Variants in CDC14B observed in about 807,000 individuals in gnomAD.
The protein encoded by CDC14B is cell division cycle 14B, also known as dual specificity protein phosphatase CDC14B.
Under a neutral mutation model 64.2 loss-of-function variants are expected in CDC14B, and 22 were observed. The observed-to-expected ratio is 0.34, with a 90% CI of 0.24 to 0.49. The LOEUF is 0.49. CDC14B is among the 20% of genes least tolerant of loss of function. The pLI is 0.99. For missense variants in CDC14B, 498 were observed against 629.9 expected (o/e 0.79, Z 2.24); for synonymous variants, 191 against 215.8 (o/e 0.89, Z 1.01).
At chr9:96,616,206 G>A (rs894459484) in intron 1 of CDC14B, among the ~76,000 whole-genome samples, 3 of 151,350 alleles carry the variant, frequency 2.0e-5, no homozygotes, top group Non-Finnish European at 4.4e-5. Context: ...TATGCCTGTA[G>A]TTCCAACTAC....
At chr9:96,618,980 A>G (rs1350541459) in intron 1 of CDC14B, among the ~76,000 whole-genome samples, 1 of 150,380 alleles carries the variant, frequency 6.6e-6, no homozygotes, top group Non-Finnish European at 1.5e-5. Context: ...CTGGTGGAGG[A>G]GGGTGCACAA....
chr9:96,605,473 G>A (rs572778113), intron 1 of CDC14B, among the ~76,000 whole-genome samples: 1 of 152,146 alleles, frequency 6.6e-6, no homozygotes, highest in African/African-American at 2.4e-5. Context: ...GGCTCCCAGG[G>A]TTCCCCTGCG....
chr9:96,591,676 T>A (rs954858743), intron 1 of CDC14B, among the ~76,000 whole-genome samples: 3 of 152,214 alleles, frequency 2.0e-5, no homozygotes, highest in Admixed American at 6.5e-5. Flanking sequence ...TAGGTAGTTA[T>A]TAACATTTTA....
chr9:96,546,495 G>T (rs2131957261), intron 5 of CDC14B, among the ~76,000 whole-genome samples: 1 of 151,848 alleles, frequency 6.6e-6, no homozygotes, highest in South Asian at 2.1e-4. Flanking sequence ...TGTCGCCCAG[G>T]CTGGAGTGCA....
chr9:96,503,809 G>T lies in CDC14B; in HGVS notation c.1461-20C>A. 1 of 1,608,390 alleles carries T rather than the reference G, an allele frequency of 6.2e-7. No homozygotes were observed. The highest frequency in any genetic ancestry group is 8.5e-7 in the Non-Finnish European group (1 of 1,177,000). ...GAGAGACTACAGGGGGAAAAAAAAG[G>T]ATTTTTACCAGAAAGTTTACACAGC... On this transcript the variant is annotated intron_variant, in intron 13 of 13. Coordinates refer to ENST00000375241, the MANE Select transcript of CDC14B (RefSeq NM_033331.4).
intron 1 of CDC14B, among the ~76,000 whole-genome samples, chr9:96,600,624 T>A (rs988061808): frequency 6.6e-6 from 1 of 151,950 alleles, no homozygotes; most frequent in South Asian, 2.1e-4. Flanking sequence ...GGCCTCAGCC[T>A]CCTGAGCAGC....
intron 13 of CDC14B, among the ~76,000 whole-genome samples, chr9:96,505,804 C>T (rs913234076): frequency 1.2e-4 from 19 of 152,144 alleles, no homozygotes; most frequent in African/African-American, 4.6e-4. Flanking sequence ...GACCTGTGGC[C>T]ACATGAGATT....
intron 1 of CDC14B, among the ~76,000 whole-genome samples, chr9:96,594,253 C>A (rs943368921): frequency 6.6e-6 from 1 of 152,152 alleles, no homozygotes; most frequent in Non-Finnish European, 1.5e-5. Flanking sequence ...CCTGAATTAA[C>A]GACATGGAGC....
rs373160930 is a variant in CDC14B at position 96,560,582 on chromosome 9, C to CTTTTTTTTTTTTTTT, written c.420+2110_420+2111insAAAAAAAAAAAAAAA. 3.9e-5 allele frequency among the ~76,000 whole-genome samples: 5 copies of CTTTTTTTTTTTTTTT among 127,692 alleles called. 1 individual carries two copies. The highest frequency in any genetic ancestry group is 1.3e-4 in the African/African-American group (4 of 31,734). 83.8% of individuals were successfully genotyped at this position (127,692 alleles called of 152,430 possible). A position where few individuals can be genotyped will look rare whatever the true frequency, so the allele number is the denominator to read the frequency against. ...GGTTCATACATAGACTTTTCTCTTT[C>CTTTTTTTTTTTTTTT]TCTTTTTTTTTTTTTTTTTGAGACG... On this transcript the variant is annotated intron_variant, in intron 4 of 13. Coordinates refer to ENST00000375241, the MANE Select transcript of CDC14B (RefSeq NM_033331.4).
chr9:96,609,318 C>A (rs1847166111), intron 1 of CDC14B, among the ~76,000 whole-genome samples: 1 of 152,140 alleles, frequency 6.6e-6, no homozygotes, highest in Admixed American at 6.6e-5. Flanking sequence ...ACACACAATT[C>A]TTTCAAACTG....
At chr9:96,610,276 C>T (rs1847231282) in intron 1 of CDC14B, among the ~76,000 whole-genome samples, 1 of 152,160 alleles carries the variant, frequency 6.6e-6, no homozygotes, top group African/African-American at 2.4e-5. Context: ...CAGCTCACTG[C>T]AGGCTCTGCC....
intron 1 of CDC14B, among the ~76,000 whole-genome samples, chr9:96,599,842 C>T (rs1030915685): frequency 3.3e-5 from 5 of 152,096 alleles, no homozygotes; most frequent in Non-Finnish European, 5.9e-5. Context: ...AGCGATTCTC[C>T]TGCCTCACCC....
At chr9:96,564,270 A>C (rs921213482) in intron 3 of CDC14B, among the ~76,000 whole-genome samples, 1 of 152,212 alleles carries the variant, frequency 6.6e-6, no homozygotes, top group African/African-American at 2.4e-5. Flanking sequence ...AGCCTTAATG[A>C]CATGCTTATT....
intron 5 of CDC14B, among the ~76,000 whole-genome samples, chr9:96,542,176 C>T (rs1419840541): frequency 6.6e-6 from 1 of 151,360 alleles, no homozygotes; most frequent in African/African-American, 2.5e-5. Context: ...AACAGCTGAG[C>T]CACCTTCTTG....
exon 14 of CDC14B, chr9:96,492,990 C>G (rs190147638): frequency 6.6e-6 from 1 of 152,402 alleles, no homozygotes. Flanking sequence ...CCCCTCTGAG[C>G]CAGCCAGCCT....
chr9:96,573,450 G>A (rs1564363474), intron 1 of CDC14B, among the ~76,000 whole-genome samples: 2 of 151,610 alleles, frequency 1.3e-5, no homozygotes, highest in Admixed American at 6.6e-5. Context: ...AAGCAATTAC[G>A]AAATGTAATA....
At chr9:96,542,195 A>G (rs962965534) in intron 5 of CDC14B, among the ~76,000 whole-genome samples, 12 of 151,298 alleles carry the variant, frequency 7.9e-5, no homozygotes, top group East Asian at 3.8e-4. Flanking sequence ...TGAATTCAAC[A>G]AATCAATACC....
In CDC14B at chr9:96,619,223, G is replaced by T; in HGVS notation, c.156C>A (p.Ile52=). The change falls in exon 1 of 14, where the codon ATC becomes ATA. Residue 52 remains isoleucine (I), a synonymous_variant. Transcript: ENST00000375241. The part of the protein sequence containing the change: ...RDPQDDVYLD[I]TDRLCFAILY... ...CGCGCCCACTGGCCGGCTCACCGGTGATGTCCAGGTACACGTCGTCCTGGG... is the reference window on the plus strand; with the variant it reads ...CGCGCCCACTGGCCGGCTCACCGGTTATGTCCAGGTACACGTCGTCCTGGG... 1 of 1,322,642 alleles carries T rather than the reference G, an allele frequency of 7.6e-7. No individual in the cohort carries two copies. The highest frequency in any genetic ancestry group is 9.7e-7 in the Non-Finnish European group (1 of 1,032,692). 81.9% of individuals were successfully genotyped at this position (1,322,642 alleles called of 1,614,324 possible).
intron 5 of CDC14B, among the ~76,000 whole-genome samples, chr9:96,548,391 A>T (rs907568097): frequency 1.2e-4 from 19 of 152,082 alleles, no homozygotes; most frequent in South Asian, 1.0e-3. Flanking sequence ...TATGATATTT[A>T]AAAAAAATTA....
Sources: allele counts gnomAD v4.1 joint callset (sites outside exome capture counted in the v4.1 genomes callset), GRCh38; gene constraint gnomAD v4.1.1; transcripts MANE v1.5; gene names NCBI Gene and HGNC (gene_info 2026-07-23, HGNC 2026-07-21).